Variants in MAEA observed in about 807,000 individuals in gnomAD.
MAEA encodes macrophage erythroblast attacher, E3 ubiquitin ligase, also known as E3 ubiquitin-protein transferase MAEA.
A neutral mutation model predicts 46.2 loss-of-function variants in MAEA; 22 were observed. The ratio of observed to expected loss-of-function variants is 0.48; its 90% CI spans 0.34 to 0.68. MAEA has a LOEUF of 0.68. Among genes scored for constraint, MAEA ranks in the 30% least tolerant of loss-of-function variants. MAEA has a pLI of 0.01. For missense variants in MAEA, 393 were observed against 558.1 expected, an observed-to-expected ratio of 0.70 and a Z score of 2.98; for synonymous variants, 246 against 222.6, an observed-to-expected ratio of 1.11 and a Z score of -0.94.
intron 1 of MAEA, among the ~76,000 whole-genome samples, chr4:1,295,687 A>AC (rs1260818297): frequency 4.1e-4 from 2 of 4,890 alleles, no homozygotes; most frequent in African/African-American, 9.8e-4. Flanking sequence ...CCGCTCCTAT[A>AC]CCCCCTCACC....
chr4:1,339,172 C>A lies in MAEA; in HGVS notation c.*3C>A, dbSNP rs1275140182. 1.9e-6 allele frequency: 3 copies of A among 1,612,956 alleles called. No individual in the cohort carries two copies. The African/African-American group carries it at 4.0e-5, about 22-fold the overall frequency. ...CCGAGAAGGTGTACATCATGTAGGCCCCACGTCGTGAAGCGCACGCCTCGG... is the reference window on the plus strand; with the variant it reads ...CCGAGAAGGTGTACATCATGTAGGCACCACGTCGTGAAGCGCACGCCTCGG... On this transcript the variant is annotated 3_prime_UTR_variant, in exon 9 of 9. Transcript: ENST00000303400.
chr4:1,321,995 G>C (rs1480496876), intron 3 of MAEA, among the ~76,000 whole-genome samples: 2 of 152,186 alleles, frequency 1.3e-5, no homozygotes, highest in East Asian at 3.9e-4. Flanking sequence ...TTTGAAATGA[G>C]GGGGCTGCCC....
intron 4 of MAEA, chr4:1,323,694 C>T: frequency 1.5e-6 from 1 of 687,336 alleles, no homozygotes. Flanking sequence ...GGGAACTCTG[C>T]CAGGGCTGTT....
chr4:1,309,389 G>A (rs1736149422), intron 1 of MAEA: 2 of 1,247,416 alleles, frequency 1.6e-6, no homozygotes, highest in Admixed American at 3.8e-5. Flanking sequence ...AGCTTTTAGG[G>A]CCCGGAGTCA....
intron 2 of MAEA, among the ~76,000 whole-genome samples, chr4:1,314,184 G>A (rs1056299157): frequency 6.6e-6 from 1 of 151,228 alleles, no homozygotes; most frequent in Admixed American, 6.6e-5. Flanking sequence ...AAAAAAATTA[G>A]CCGGGCATGG....
chr4:1,338,624 G>GGGGCA lies in MAEA; in HGVS notation c.1095+16_1095+20dup, dbSNP rs758018298. The GGGGCA allele has an allele frequency of 1.6e-5, 26 of 1,596,390 alleles. No homozygotes were observed. The highest frequency in any genetic ancestry group is 2.2e-5 in the Non-Finnish European group (26 of 1,171,948). On this transcript the variant is annotated splice_region_variant and intron_variant, in intron 8 of 8. Coordinates refer to ENST00000303400, the MANE Select transcript of MAEA (RefSeq NM_001017405.3). ...CTACGTCTACGGCTACAATGTGAGG[G>GGGGCA]GGGCAGGGCAGGGGGGCCAGGCTGG...
chr4:1,332,523 T>C (rs996543915), intron 5 of MAEA: 4 of 383,594 alleles, frequency 1.0e-5, no homozygotes, highest in Non-Finnish European at 1.9e-5. Flanking sequence ...GAGACCAGCC[T>C]GGGCAACACA....
At chr4:1,309,071 A>C (rs865891814) in intron 1 of MAEA, among the ~76,000 whole-genome samples, 1 of 152,012 alleles carries the variant, frequency 6.6e-6, no homozygotes, top group Non-Finnish European at 1.5e-5. Flanking sequence ...TGTGTCTTAG[A>C]ATCTGCTGGC....
rs533444487 is a variant in MAEA, at chr4:1,294,696, G to T, written c.69+4714G>T. ...GGAGACAAGTGAGGCCCCTGTCTAC[G>T]CTCCGGTGGGAGGGAGGCATCAGCA... On this transcript the variant is annotated intron_variant, in intron 1 of 8. Transcript: ENST00000303400. Among the ~76,000 whole-genome samples, 331 of 151,784 alleles carry T rather than the reference G, an allele frequency of 2.2e-3. 1 individual carries two copies. The highest frequency in any genetic ancestry group is 7.6e-3 in the African/African-American group (315 of 41,340).
intron 4 of MAEA, among the ~76,000 whole-genome samples, chr4:1,327,197 G>A (rs888120311): frequency 6.6e-5 from 10 of 152,258 alleles, no homozygotes; most frequent in Middle Eastern, 3.2e-3. Context: ...GGATAGTTGG[G>A]TCCAGAGGCC....
At chr4:1,326,235 G>T (rs28429103) in intron 4 of MAEA, among the ~76,000 whole-genome samples, 1 of 152,152 alleles carries the variant, frequency 6.6e-6, no homozygotes, top group Non-Finnish European at 1.5e-5. Flanking sequence ...GCAGTGGTCC[G>T]GGGTGGATTC....
chr4:1,312,085 G>T lies in MAEA; in HGVS notation c.176G>T (p.Ser59Ile), dbSNP rs769381425. ...GTGGCCGAGCTGGAGAAGACGTTGA[G>T]CGGCTGCCCCGCCGTGGACTCCGTG... ...MVVAELEKTL[S>I]GCPAVDSVVS... The change falls in exon 2 of 9, where the codon AGC (serine) becomes ATC (isoleucine). Residue 59 changes from serine (S) to isoleucine (I), a missense_variant. Ser to Ile is a moderately radical substitution (Grantham distance 142). Coordinates refer to ENST00000303400, the MANE Select transcript of MAEA (RefSeq NM_001017405.3). 2 of 1,613,616 alleles carry T rather than the reference G, an allele frequency of 1.2e-6. No homozygotes were observed. The highest frequency in any genetic ancestry group is 2.2e-5 in the East Asian group (1 of 44,884).
chr4:1,336,510 A>C lies in MAEA; in HGVS notation c.766-351A>C, dbSNP rs182112609. Among the ~76,000 whole-genome samples, 6 of 152,108 alleles carry C rather than the reference A, an allele frequency of 3.9e-5. No homozygotes were observed. In the East Asian group the frequency reaches 1.2e-3, roughly 29 times the overall value. ...GTGTTGAAATCAGAGTTAAGTCAGC[A>C]CTTGTCCCGCAGCATGTTGAAATCA... is the stretch of plus-strand genomic sequence containing the variant. On this transcript the variant is annotated intron_variant, in intron 6 of 8. Coordinates refer to ENST00000303400, the MANE Select transcript of MAEA (RefSeq NM_001017405.3).
At chr4:1,294,948 G>A (rs2108851928) in intron 1 of MAEA, among the ~76,000 whole-genome samples, 2 of 152,248 alleles carry the variant, frequency 1.3e-5, no homozygotes, top group Middle Eastern at 6.8e-3. Context: ...TCTCACCCCA[G>A]TAGGCACACA....
At chr4:1,312,479 G>C (rs1410732405) in intron 2 of MAEA, 2 of 300,066 alleles carry the variant, frequency 6.7e-6, no homozygotes, top group African/African-American at 4.9e-5. Flanking sequence ...ATTCAGGCTG[G>C]AGTTCAGTGG....
At chr4:1,323,015 C>T (rs533584201) in intron 4 of MAEA, among the ~76,000 whole-genome samples, 3 of 131,276 alleles carry the variant, frequency 2.3e-5, no homozygotes, top group Non-Finnish European at 3.1e-5. Context: ...AGTGCAGTGG[C>T]ACGATCTTGG....
At chr4:1,305,303 G>A (rs948006230) in intron 1 of MAEA, among the ~76,000 whole-genome samples, 20 of 152,168 alleles carry the variant, frequency 1.3e-4, no homozygotes, top group Admixed American at 1.3e-4. Context: ...AGGTGAGCCC[G>A]GCCCTGGTGA....
At position 1,311,417 on chromosome 4, in the gene MAEA, G is replaced by C. The variant is rs1333538872; in HGVS notation, c.70-562G>C. 1.3e-5 allele frequency among the ~76,000 whole-genome samples: 2 copies of C among 152,266 alleles called. No homozygotes were observed. Among genetic ancestry groups the C allele is most frequent in the South Asian group, 2.1e-4 (1 of 4,836 alleles). On this transcript the variant is annotated intron_variant, in intron 1 of 8. Coordinates refer to ENST00000303400, the MANE Select transcript of MAEA (RefSeq NM_001017405.3). The surrounding 1 kb of genome is among the most constrained non-coding windows in gnomAD (Gnocchi z 4.4). ...TGATTGGCTTATTTCCACAGGGAAT[G>C]GATGGTTCTTACGACTGGGGAAGGC...
At chr4:1,290,687 G>A (rs995989563) in intron 1 of MAEA, among the ~76,000 whole-genome samples, 3 of 152,248 alleles carry the variant, frequency 2.0e-5, no homozygotes, top group African/African-American at 7.2e-5. Flanking sequence ...CTGCGGCTGA[G>A]CTTCGTGGTT....
Sources: allele counts gnomAD v4.1 joint callset (sites outside exome capture counted in the v4.1 genomes callset), GRCh38; gene constraint gnomAD v4.1.1; non-coding constraint Gnocchi (gnomAD v3.1); transcripts MANE v1.5; gene names NCBI Gene and HGNC (gene_info 2026-07-23, HGNC 2026-07-21).